PLEKHG3: variants seen among roughly 807,000 people sequenced by gnomAD.
PLEKHG3 encodes pleckstrin homology and RhoGEF domain containing G3, also known as pleckstrin homology domain-containing family G member 3.
A neutral mutation model predicts 94.9 loss-of-function variants in PLEKHG3; 62 were observed. The ratio of observed to expected loss-of-function variants is 0.65; its 90% CI spans 0.53 to 0.81. PLEKHG3 has a LOEUF of 0.81. PLEKHG3 is among the 30% of genes least tolerant of loss of function. The pLI, the probability that PLEKHG3 is intolerant of heterozygous loss-of-function variation, is 0.00. For missense variants in PLEKHG3, 1,461 were observed against 1,619.3 expected, an observed-to-expected ratio of 0.90 and a Z score of 1.68; for synonymous variants, 614 against 654.0, an observed-to-expected ratio of 0.94 and a Z score of 0.93.
In PLEKHG3 at chr14:64,732,580, C is replaced by T. The variant is rs2081489100; in HGVS notation, c.1246+120C>T. 2.2e-6 allele frequency: 2 copies of T among 891,246 alleles called. No homozygotes were observed. The highest frequency in any genetic ancestry group is 3.5e-5 in the Admixed American group (2 of 56,704). 55.2% of individuals were successfully genotyped at this position (891,246 alleles called of 1,614,324 possible). On this transcript the variant is annotated intron_variant, in intron 11 of 16. Transcript: ENST00000247226. This position sits in a 1 kb window ranked among gnomAD's most constrained non-coding sequence, Gnocchi z 4.9. ...CAGGAGCAGGGAGGGCGGGGGTCTC[C>T]TGTTAAGGGCTGGGGGGTGAACTAC...
rs752348747 is a variant in PLEKHG3 at position 64,730,828 on chromosome 14, G to A, written c.596G>A (p.Arg199Gln). ...NSVAALTECM[R>Q]DKQQAKFFRD... ...GTGGCCGCCCTGACGGAATGCATGC[G>A]GGACAAGCAGCAGGCCAAGTTCTTT... The change falls in exon 6 of 17, where the codon CGG becomes CAG. Residue 199 changes from arginine (R) to glutamine (Q), a missense_variant. Arg to Gln is a conservative substitution (Grantham distance 43, BLOSUM62 1). Around this residue, in one of 3 missense-constraint regions of PLEKHG3, gnomAD observed 253 missense variants for 297.8 expected, o/e 0.85. Coordinates refer to ENST00000247226, the MANE Select transcript of PLEKHG3 (RefSeq NM_001308147.2). The surrounding 1 kb of genome is among the most constrained non-coding windows in gnomAD (Gnocchi z 5.4). The A allele has an allele frequency of 6.8e-6, 11 of 1,613,314 alleles. No individual in the cohort carries two copies. Among genetic ancestry groups the A allele is most frequent in the East Asian group, 6.7e-5 (3 of 44,882 alleles).
At chr14:64,719,623 A>G (rs2081229091) in intron 1 of PLEKHG3, among the ~76,000 whole-genome samples, 2 of 151,784 alleles carry the variant, frequency 1.3e-5, no homozygotes, top group South Asian at 2.1e-4. Flanking sequence ...GCATCTGTGC[A>G]TATTCTCTTT....
rs1466690552 is a variant in PLEKHG3 at position 64,731,014 on chromosome 14, C to A, written c.718-24C>A. ...GGGCAGGGCCTTCGGGTCAGGGGCA[C>A]CTAAGCGTCTATCTTCTGCGCAGGA... is the stretch of plus-strand genomic sequence containing the variant. On this transcript the variant is annotated intron_variant, in intron 6 of 16. Transcript: ENST00000247226. This position sits in a 1 kb window ranked among gnomAD's most constrained non-coding sequence, Gnocchi z 6.1. The A allele has an allele frequency of 2.5e-6, 4 of 1,613,854 alleles. No individual in the cohort carries two copies. The highest frequency in any genetic ancestry group is 1.7e-5 in the Admixed American group (1 of 60,004).
Position 64,749,197 on chromosome 14 carries a change from G to T in PLEKHG3, c.*5494G>T. On this transcript the variant is annotated 3_prime_UTR_variant, in exon 17 of 17. Transcript: ENST00000247226. The surrounding 1 kb of genome is among the most constrained non-coding windows in gnomAD (Gnocchi z 4.7). ...CGTGGGGCCCGGGGGCCCGGCCCGC[G>T]ACTCGACTCATCTCGATTCGACCGG... 1.5e-6 allele frequency: 2 copies of T among 1,374,126 alleles called. No individual in the cohort carries two copies. The highest frequency in any genetic ancestry group is 2.0e-6 in the Non-Finnish European group (2 of 1,009,682). The allele number at this position is 1,374,126 out of a possible 1,614,324, so 85.1% of individuals were successfully genotyped here.
rs1208052591 is a variant in PLEKHG3 at position 64,741,731 on chromosome 14, C to T, written c.2214C>T (p.Arg738=). ...EHHDAGFSVR[R]RESLSYIPKG... ...ATGATGCAGGCTTCAGCGTCCGTCG[C>T]CGGGAGAGCCTCTCCTACATCCCCA... Residue 738 remains arginine (R), a synonymous_variant, in exon 16 of 17, where the codon CGC becomes CGT. Transcript: ENST00000247226. 1 of 1,613,134 alleles carries T rather than the reference C, an allele frequency of 6.2e-7. No homozygotes were observed. The highest frequency in any genetic ancestry group is 8.5e-7 in the Non-Finnish European group (1 of 1,180,028).
At chr14:64,714,023 T>C (rs946557422) in intron 1 of PLEKHG3, among the ~76,000 whole-genome samples, 5 of 137,828 alleles carry the variant, frequency 3.6e-5, no homozygotes, top group Admixed American at 2.2e-4. Flanking sequence ...TTTTATCTCT[T>C]TTATATTTCC....
Position 64,738,062 on chromosome 14 carries a change from G to A in PLEKHG3, c.1405-680G>A. 7.7e-7 allele frequency: 1 copy of A among 1,299,140 alleles called. No homozygotes were observed. The highest frequency in any genetic ancestry group is 1.0e-6 in the Non-Finnish European group (1 of 994,616). 80.5% of individuals were successfully genotyped at this position (1,299,140 alleles called of 1,614,324 possible). A position where few individuals can be genotyped will look rare whatever the true frequency, so the allele number is the denominator to read the frequency against. ...TGACAGGGCATGAAGGCAACGAGAA[G>A]GGGGCTGGGCCGGAGCCCCCAGGCT... On this transcript the variant is annotated intron_variant, in intron 14 of 16. Coordinates refer to ENST00000247226, the MANE Select transcript of PLEKHG3 (RefSeq NM_001308147.2). This position sits in a 1 kb window ranked among gnomAD's most constrained non-coding sequence, Gnocchi z 4.8.
In PLEKHG3 at chr14:64,742,050, C is replaced by G. The variant is rs777814615; in HGVS notation, c.2533C>G (p.Pro845Ala). ...GQANGFDLHE[P>A]LFILEEHELG... is the part of the protein sequence containing the mutation. ...GGCCAATGGCTTTGACCTGCATGAG[C>G]CACTCTTCATCCTGGAGGAGCATGA... Residue 845 changes from proline to alanine, a missense_variant, in exon 16 of 17, where the codon CCA (proline) becomes GCA (alanine). Around this residue, in one of 3 missense-constraint regions of PLEKHG3, gnomAD observed 1,201 missense variants for 1,295.5 expected, o/e 0.93. Coordinates refer to ENST00000247226, the MANE Select transcript of PLEKHG3 (RefSeq NM_001308147.2). 40 of 1,601,546 alleles carry G rather than the reference C, an allele frequency of 2.5e-5. No homozygotes were observed. Among genetic ancestry groups the G allele is most frequent in the South Asian group, 2.2e-4 (20 of 89,956 alleles).
At position 64,722,565 on chromosome 14, in the gene PLEKHG3, G is replaced by A. The variant is rs774602433; in HGVS notation, c.-39-5028G>A. ...CAGGTGCCGTGTGGATTCCTCCCCA[G>A]CTGGGGCCTTTGGAGCAGCTGCCCC... is the stretch of plus-strand genomic sequence containing the variant. On this transcript the variant is annotated intron_variant, in intron 1 of 16. Transcript: ENST00000247226. The surrounding 1 kb of genome is among the most constrained non-coding windows in gnomAD (Gnocchi z 4.3). 1.3e-5 allele frequency among the ~76,000 whole-genome samples: 2 copies of A among 152,192 alleles called. No homozygotes were observed. Among genetic ancestry groups the A allele is most frequent in the Admixed American group, 6.5e-5 (1 of 15,286 alleles).
chr14:64,731,336 A>G lies in PLEKHG3; in HGVS notation c.850-25A>G, dbSNP rs779973275. The G allele has an allele frequency of 1.9e-6, 3 of 1,599,158 alleles. No individual in the cohort carries two copies. Among genetic ancestry groups the G allele is most frequent in the South Asian group, 2.2e-5 (2 of 90,802 alleles). ...CCTAAGGCCCCAGTGGCCTGACTCT[A>G]GGGATTGGGGCCCCTCTGCTGCAGG... is the stretch of plus-strand genomic sequence containing the variant. On this transcript the variant is annotated intron_variant, in intron 7 of 16. Coordinates refer to ENST00000247226, the MANE Select transcript of PLEKHG3 (RefSeq NM_001308147.2). The surrounding 1 kb of genome is among the most constrained non-coding windows in gnomAD (Gnocchi z 6.1).
At chr14:64,733,076 C>G (rs1053980883) in intron 12 of PLEKHG3, among the ~76,000 whole-genome samples, 175 bp downstream of exon 12, 5 of 151,178 alleles carry the variant, frequency 3.3e-5, no homozygotes, top group African/African-American at 7.3e-5. Context: ...CTGGTGCTCC[C>G]CACACCAGGT....
chr14:64,726,672 C>T lies in PLEKHG3; in HGVS notation c.-39-921C>T, dbSNP rs1293771478. Reference sequence around the variant, plus strand: ...AGTTTACTGCTTTCTCTGCTGCCCCCGCCCAGCTGTGCCAAGGGGAGCTTA... The same window carrying T: ...AGTTTACTGCTTTCTCTGCTGCCCCTGCCCAGCTGTGCCAAGGGGAGCTTA... On this transcript the variant is annotated intron_variant, in intron 1 of 16. Transcript: ENST00000247226. This position sits in a 1 kb window ranked among gnomAD's most constrained non-coding sequence, Gnocchi z 5.1. Among the ~76,000 whole-genome samples the T allele has an allele frequency of 2.6e-5, 4 of 152,202 alleles. No individual in the cohort carries two copies. Among genetic ancestry groups the T allele is most frequent in the East Asian group, 1.9e-4 (1 of 5,192 alleles).
chr14:64,732,815 A>C lies in PLEKHG3; in HGVS notation c.1259A>C (p.Tyr420Ser), dbSNP rs1166410849. 2 of 1,607,182 alleles carry C rather than the reference A, an allele frequency of 1.2e-6. No homozygotes were observed. The highest frequency in any genetic ancestry group is 2.2e-5 in the South Asian group (2 of 89,272). ...LEMDSYYPNR[Y>S]RCSPERLKKA... ...CTCCTGGGTGCAGATCCCAATCGGT[A>C]CCGCTGCAGCCCAGAGCGGCTGAAG... Residue 420 changes from tyrosine (Y) to serine (S), a missense_variant, in exon 12 of 17, where the codon TAC (tyrosine) becomes TCC (serine). Physicochemically the swap from Tyr to Ser is moderately radical, Grantham distance 144 (BLOSUM62 -2). Coordinates refer to ENST00000247226, the MANE Select transcript of PLEKHG3 (RefSeq NM_001308147.2). This position sits in a 1 kb window ranked among gnomAD's most constrained non-coding sequence, Gnocchi z 4.9.
rs2080942500 is a variant in PLEKHG3 at position 64,704,547 on chromosome 14, C to T, written c.-197C>T. On this transcript the variant is annotated 5_prime_UTR_variant, in exon 1 of 17. Coordinates refer to ENST00000247226, the MANE Select transcript of PLEKHG3 (RefSeq NM_001308147.2). This position sits in a 1 kb window ranked among gnomAD's most constrained non-coding sequence, Gnocchi z 5.6. ...TCCGGGGGCCGCGCTTGCAGCTGGC[C>T]GAGTCCGGGCCAGCTGAGGGGCTGG... 1 of 153,290 alleles carries T rather than the reference C, an allele frequency of 6.5e-6. No individual in the cohort carries two copies. The highest frequency in any genetic ancestry group is 2.4e-5 in the African/African-American group (1 of 41,460). The allele number at this position is 153,290 out of a possible 1,614,324, so 9.5% of individuals were successfully genotyped here. A position where few individuals can be genotyped will look rare whatever the true frequency, so the allele number is the denominator to read the frequency against.
rs2081402851 is a variant in PLEKHG3, at chr14:64,728,846, A to G, written c.352-150A>G. 2.0e-6 allele frequency: 1 copy of G among 510,652 alleles called. No homozygotes were observed. Among genetic ancestry groups the G allele is most frequent in the Non-Finnish European group, 3.5e-6 (1 of 285,886 alleles). 31.6% of individuals were successfully genotyped at this position (510,652 alleles called of 1,614,324 possible). A position where few individuals can be genotyped will look rare whatever the true frequency, so the allele number is the denominator to read the frequency against. On this transcript the variant is annotated intron_variant, in intron 2 of 16. Transcript: ENST00000247226. This position sits in a 1 kb window ranked among gnomAD's most constrained non-coding sequence, Gnocchi z 5.9. ...AATAAAGTCACATTCTGGGGTTCCA[A>G]GTGGACATGAATTTTGGGGTGGACA... is the stretch of plus-strand genomic sequence containing the variant.
chr14:64,718,980 G>A lies in PLEKHG3; in HGVS notation c.-39-8613G>A, dbSNP rs368316298. Among the ~76,000 whole-genome samples the A allele has an allele frequency of 4.6e-5, 7 of 152,122 alleles. No individual in the cohort carries two copies. The highest frequency in any genetic ancestry group is 1.4e-4 in the African/African-American group (6 of 41,430). On this transcript the variant is annotated intron_variant, in intron 1 of 16. Coordinates refer to ENST00000247226, the MANE Select transcript of PLEKHG3 (RefSeq NM_001308147.2). The surrounding 1 kb of genome is among the most constrained non-coding windows in gnomAD (Gnocchi z 5.0). ...TCCCAGTAGTACATGCCGTCTCTCC[G>A]TGTGGATCCCAGAGGAATGCGCCTC... is the stretch of plus-strand genomic sequence containing the variant.
rs927087678 is a variant in PLEKHG3 at position 64,743,235 on chromosome 14, C to T, written c.3192C>T (p.Arg1064=). Residue 1064 remains arginine, a synonymous_variant, in exon 17 of 17, where the codon CGC becomes CGT. Transcript: ENST00000247226. The surrounding 1 kb of genome is among the most constrained non-coding windows in gnomAD (Gnocchi z 7.2). ...AGTATGCCTCCCGCGATGAGGCACG[C>T]CGAGCAGGGGGCGGCCGGCCCCGCG... ...CSKYASRDEA[R]RAGGGRPRGP... The T allele has an allele frequency of 5.6e-6, 9 of 1,607,938 alleles. No homozygotes were observed. In the African/African-American group the frequency reaches 1.2e-4, roughly 21 times the overall value.
intron 12 of PLEKHG3, among the ~76,000 whole-genome samples, chr14:64,733,164 C>CTTT (rs112116298): frequency 3.4e-4 from 46 of 135,362 alleles, no homozygotes; most frequent in African/African-American, 1.1e-3. Flanking sequence ...TTTTCTTTTT[C>CTTT]TTTTTTTTTT....
In PLEKHG3 at chr14:64,723,604, G is replaced by A. The variant is rs892943074; in HGVS notation, c.-39-3989G>A. Among the ~76,000 whole-genome samples the A allele has an allele frequency of 2.2e-4, 33 of 151,124 alleles. No individual in the cohort carries two copies. The highest frequency in any genetic ancestry group is 8.0e-4 in the African/African-American group (33 of 41,180). On this transcript the variant is annotated intron_variant, in intron 1 of 16. Transcript: ENST00000247226. This position sits in a 1 kb window ranked among gnomAD's most constrained non-coding sequence, Gnocchi z 4.5. Reference sequence around the variant, plus strand: ...AAACATCTGCCTTCCAGGTTCAAGCGATTCTTCTGCCTCAGCCCCCCGAGT... The same window carrying A: ...AAACATCTGCCTTCCAGGTTCAAGCAATTCTTCTGCCTCAGCCCCCCGAGT...
Sources: allele counts gnomAD v4.1 joint callset (sites outside exome capture counted in the v4.1 genomes callset), GRCh38; gene constraint gnomAD v4.1.1; regional missense constraint gnomAD v4.1.1; non-coding constraint Gnocchi (gnomAD v3.1); transcripts MANE v1.5; gene names NCBI Gene and HGNC (gene_info 2026-07-23, HGNC 2026-07-21).